The following MAEA variants were observed in gnomAD, a reference collection of about 807,000 sequenced individuals.
MAEA encodes E3 ubiquitin-protein transferase MAEA.
Under a neutral mutation model 46.2 loss-of-function variants are expected in MAEA, and 22 were observed. The observed-to-expected ratio is 0.48, with a 90% confidence interval of 0.34 to 0.68. MAEA has a LOEUF of 0.68. Ranked by LOEUF, MAEA falls within the 30% of genes least tolerant of loss-of-function variation. MAEA has a pLI of 0.01. For synonymous variants in MAEA, 246 were observed against 222.6 expected (o/e 1.11, Z -0.94); for missense variants, 393 against 558.1 (o/e 0.70, Z 2.98).
At chr4:1,301,791 T>C (rs1187207635) in intron 1 of MAEA, among the ~76,000 whole-genome samples, 1 of 152,194 alleles carries the variant, frequency 6.6e-6, no homozygotes, top group East Asian at 1.9e-4. Flanking sequence ...AAGTGTTAGG[T>C]TGAATCATAT....
intron 1 of MAEA, among the ~76,000 whole-genome samples, chr4:1,310,778 G>T (rs919945598): frequency 6.6e-6 from 1 of 152,218 alleles, no homozygotes; most frequent in Admixed American, 6.5e-5. Context: ...GGCAGCCGGG[G>T]GAACGGGCTC....
At chr4:1,326,408 T>TA (rs1400727470) in intron 4 of MAEA, among the ~76,000 whole-genome samples, 1 of 152,208 alleles carries the variant, frequency 6.6e-6, no homozygotes, top group Admixed American at 6.5e-5. Flanking sequence ...CGGAAGATCT[T>TA]ACGGTTTAGA....
At chr4:1,332,134 C>G (rs1232407011) in intron 5 of MAEA, 1 of 152,538 alleles carries the variant, frequency 6.6e-6, no homozygotes, top group Middle Eastern at 3.2e-3. Flanking sequence ...GGGCGAGCAT[C>G]TGGGGAGAGT....
In MAEA at chr4:1,339,723, G is replaced by C. The variant is rs1388721545; in HGVS notation, c.*554G>C. ...CGCCACCGTCGGGGGCTGGCTTCGAGGACGCCCGCCTGCCTCGCGGGTCGT... is the reference window on the plus strand; with the variant it reads ...CGCCACCGTCGGGGGCTGGCTTCGACGACGCCCGCCTGCCTCGCGGGTCGT... On this transcript the variant is annotated 3_prime_UTR_variant, in exon 9 of 9. Transcript: ENST00000303400. The C allele has an allele frequency of 1.9e-5, 3 of 155,354 alleles. No individual in the cohort carries two copies. The highest frequency in any genetic ancestry group is 1.3e-4 in the Admixed American group (2 of 15,662). 9.6% of individuals were successfully genotyped at this position (155,354 alleles called of 1,614,324 possible).
chr4:1,327,186 G>A (rs895701212), intron 4 of MAEA, among the ~76,000 whole-genome samples: 1 of 152,250 alleles, frequency 6.6e-6, no homozygotes, highest in Non-Finnish European at 1.5e-5. Flanking sequence ...GTCTACATTC[G>A]GGATAGTTGG....
rs764773738 is a variant in MAEA, at chr4:1,338,406, TTGACCCGATGCTCAGACAGTGC to T, written c.900-14_907del. The T allele has an allele frequency of 6.2e-7, 1 of 1,603,162 alleles. No homozygotes were observed. Among genetic ancestry groups the T allele is most frequent in the Non-Finnish European group, 8.5e-7 (1 of 1,172,504 alleles). Reference sequence around the variant, plus strand: ...GCCCTGAGTGGCCCCCAACCCTTCCTTGACCCGATGCTCAGACAGTGCTACAAGGAGGACGGCAGCTCCAAGA... The same window carrying T: ...GCCCTGAGTGGCCCCCAACCCTTCCTTACAAGGAGGACGGCAGCTCCAAGA... On this transcript the variant is annotated splice_acceptor_variant and splice_polypyrimidine_tract_variant and coding_sequence_variant and intron_variant, in exon 8 of 9. Transcript: ENST00000303400. LOFTEE classifies it high-confidence loss of function.
In MAEA at chr4:1,310,081, G is replaced by A. The variant is rs895237681; in HGVS notation, c.70-1898G>A. The A allele has an allele frequency of 3.0e-5, 31 of 1,016,818 alleles. No individual in the cohort carries two copies. The South Asian group carries it at 4.6e-4, about 15-fold the overall frequency. 63.0% of individuals were successfully genotyped at this position (1,016,818 alleles called of 1,614,324 possible). A position where few individuals can be genotyped will look rare whatever the true frequency, so the allele number is the denominator to read the frequency against. The stretch of plus-strand genomic sequence containing the variant: ...AATGGTCTAATGGCGAAGACTTTCT[G>A]TCCTGCTCTTGTGAGGCGCCTGCAC... On this transcript the variant is annotated intron_variant, in intron 1 of 8. Coordinates refer to ENST00000303400, the MANE Select transcript of MAEA (RefSeq NM_001017405.3).
chr4:1,337,337 C>T (rs1712909742), intron 7 of MAEA: 1 of 322,184 alleles, frequency 3.1e-6, no homozygotes, highest in Non-Finnish European at 5.9e-6. Flanking sequence ...AAGAACCTTG[C>T]CTGTGACTGA....
chr4:1,316,387 C>G (rs1456116149), intron 3 of MAEA, among the ~76,000 whole-genome samples: 1 of 152,166 alleles, frequency 6.6e-6, no homozygotes, highest in South Asian at 2.1e-4. Context: ...CGCCCTTGCC[C>G]CTGTCCAGAT....
chr4:1,338,316 C>A, intron 7 of MAEA, 106 bp from the exon 8 acceptor site: 2 of 845,706 alleles, frequency 2.4e-6, no homozygotes, highest in Non-Finnish European at 3.7e-6. Context: ...GCATGGCGCC[C>A]ACATAGCCAG....
At position 1,312,194 on chromosome 4, in the gene MAEA, G is replaced by C. The variant is rs147208301; in HGVS notation, c.252+33G>C. On this transcript the variant is annotated intron_variant, in intron 2 of 8. Coordinates refer to ENST00000303400, the MANE Select transcript of MAEA (RefSeq NM_001017405.3). ...CCGCCTGGCGGTCCCTCTTCAGTCT[G>C]GGGCATGGACACCCCTTTTGTCTCG... The C allele has an allele frequency of 8.5e-5, 137 of 1,612,198 alleles. No individual in the cohort carries two copies. The African/African-American group carries it at 1.6e-3, about 19-fold the overall frequency.
chr4:1,320,891 G>C (rs549357420), intron 3 of MAEA, among the ~76,000 whole-genome samples: 18 of 152,164 alleles, frequency 1.2e-4, no homozygotes, highest in Admixed American at 6.5e-4. Flanking sequence ...ACGAGTTCAG[G>C]AGATCGAGAC....
chr4:1,294,047 C>T (rs758437189), intron 1 of MAEA, among the ~76,000 whole-genome samples: 3 of 152,320 alleles, frequency 2.0e-5, no homozygotes, highest in South Asian at 2.1e-4. Context: ...CTGGTGATGC[C>T]GTGTCTGAGG....
In MAEA at chr4:1,327,718, C is replaced by T. The variant is rs780664495; in HGVS notation, c.656+15C>T. On this transcript the variant is annotated intron_variant, in intron 5 of 8. Transcript: ENST00000303400. ...GACGCTGTGAGGTAGGCATTGCGGA[C>T]GTGCGTCTCCTCGAGGGAGGGCAGG... 4.3e-6 allele frequency: 7 copies of T among 1,610,682 alleles called. No individual in the cohort carries two copies. The highest frequency in any genetic ancestry group is 2.2e-5 in the South Asian group (2 of 91,010).
At chr4:1,319,299 G>C (rs1349280226) in intron 3 of MAEA, among the ~76,000 whole-genome samples, 2 of 152,138 alleles carry the variant, frequency 1.3e-5, no homozygotes, top group African/African-American at 4.8e-5. Context: ...GCTGCAGTGA[G>C]CCAAGATTGC....
At chr4:1,299,737 A>G (rs1735133324) in intron 1 of MAEA, 1 of 152,156 alleles carries the variant, frequency 6.6e-6, no homozygotes, top group African/African-American at 2.4e-5. Context: ...AATCTTTGCC[A>G]ACGTCCGTGG....
At chr4:1,323,030 C>G (rs1406263287) in intron 4 of MAEA, among the ~76,000 whole-genome samples, 3 of 127,458 alleles carry the variant, frequency 2.4e-5, no homozygotes, top group African/African-American at 6.1e-5. Flanking sequence ...TCTTGGCTCA[C>G]TTGCCTCCGG....
At chr4:1,294,281 C>G (rs73796048) in intron 1 of MAEA, among the ~76,000 whole-genome samples, 23,462 of 152,246 alleles carry the variant, frequency 0.15, 3,485 homozygotes, top group East Asian at 0.42. Context: ...CCGCGGCCTC[C>G]GCGCTGGCAC....
intron 4 of MAEA, 112 bp downstream of exon 4, chr4:1,322,615 G>T (rs1738272172): frequency 7.0e-6 from 10 of 1,432,458 alleles, no homozygotes; most frequent in Non-Finnish European, 9.4e-6. Context: ...GTTTTGGTTT[G>T]TAAGGTGGGG....
Sources: gnomAD v4.1 joint callset for allele counts (sites outside exome capture counted in the v4.1 genomes callset) on GRCh38, gnomAD v4.1.1 for gene constraint, MANE v1.5 for transcripts, NCBI Gene and HGNC (gene_info 2026-07-23, HGNC 2026-07-21) for gene names.